Variants in ZNRF2 observed in about 807,000 individuals in gnomAD.
The protein encoded by ZNRF2 is E3 ubiquitin-protein ligase ZNRF2.
A neutral mutation model predicts 20.4 loss-of-function variants in ZNRF2; 16 were observed. The observed-to-expected ratio is 0.79, with a 90% CI of 0.53 to 1.19. The LOEUF (loss-of-function observed/expected upper bound fraction) is 1.19. Among genes scored for constraint, ZNRF2 ranks in the 50% most tolerant of loss-of-function variants. The probability of loss-of-function intolerance (pLI) is 0.00; values close to 1 mark genes in which losing one functional copy is unlikely to be tolerated. For missense variants in ZNRF2, 363 were observed against 332.4 expected, an observed-to-expected ratio of 1.09 and a Z score of -0.72; for synonymous variants, 178 against 144.9, an observed-to-expected ratio of 1.23 and a Z score of -1.64.
intron 2 of ZNRF2, among the ~76,000 whole-genome samples, chr7:30,324,694 A>G (rs1332755692): frequency 6.6e-6 from 1 of 152,242 alleles, no homozygotes; most frequent in African/African-American, 2.4e-5. Flanking sequence ...TTTGGACCAC[A>G]GTTTGAGAAC....
At chr7:30,302,541 G>GTTT (rs113688354) in intron 1 of ZNRF2, among the ~76,000 whole-genome samples, 1 of 140,508 alleles carries the variant, frequency 7.1e-6, no homozygotes, top group African/African-American at 2.7e-5. Flanking sequence ...AAAGTACTAT[G>GTTT]TTTTTTTTTT....
At chr7:30,365,883 A>AT (rs1389111969) in intron 4 of ZNRF2, among the ~76,000 whole-genome samples, 152 bp from the exon 5 acceptor site, 2 of 151,994 alleles carry the variant, frequency 1.3e-5, no homozygotes, top group Non-Finnish European at 2.9e-5. Context: ...TTTGTTATGT[A>AT]TTTTTTGTGA....
chr7:30,358,667 A>G (rs1246710408), intron 3 of ZNRF2, among the ~76,000 whole-genome samples: 3 of 152,212 alleles, frequency 2.0e-5, no homozygotes, highest in African/African-American at 7.2e-5. Context: ...TTATTATAAG[A>G]CCATATTAAT....
chr7:30,322,544 G>T (rs1562612521), intron 1 of ZNRF2, among the ~76,000 whole-genome samples: 1 of 151,964 alleles, frequency 6.6e-6, no homozygotes, highest in Non-Finnish European at 1.5e-5. Context: ...TCTCTCGTAA[G>T]TTCAGCTTAC....
chr7:30,292,742 C>A (rs1798933812), intron 1 of ZNRF2, among the ~76,000 whole-genome samples: 1 of 152,018 alleles, frequency 6.6e-6, no homozygotes, highest in Non-Finnish European at 1.5e-5. Context: ...ACTATAAAGG[C>A]CCTGAGGCAT....
chr7:30,354,060 T>A (rs893055617), intron 2 of ZNRF2, among the ~76,000 whole-genome samples: 2 of 151,760 alleles, frequency 1.3e-5, no homozygotes, highest in Non-Finnish European at 2.9e-5. Context: ...TATTGAAAGA[T>A]ACTAGAACAA....
chr7:30,348,954 A>G (rs983956102), intron 2 of ZNRF2, among the ~76,000 whole-genome samples: 5 of 151,028 alleles, frequency 3.3e-5, no homozygotes, highest in Non-Finnish European at 5.9e-5. Flanking sequence ...TTGTAATACT[A>G]CTCCTCAAAT....
At chr7:30,299,641 A>G (rs780032267) in intron 1 of ZNRF2, among the ~76,000 whole-genome samples, 3 of 152,134 alleles carry the variant, frequency 2.0e-5, no homozygotes, top group East Asian at 3.8e-4. Flanking sequence ...GTTATTTTTT[A>G]TACGTATACT....
At chr7:30,353,147 T>C (rs1799984295) in intron 2 of ZNRF2, among the ~76,000 whole-genome samples, 1 of 152,140 alleles carries the variant, frequency 6.6e-6, no homozygotes, top group Non-Finnish European at 1.5e-5. Flanking sequence ...GCATTTGCTA[T>C]GTGAAGCTGT....
intron 4 of ZNRF2, among the ~76,000 whole-genome samples, chr7:30,365,646 T>G (rs1358735594): frequency 6.6e-6 from 1 of 152,198 alleles, no homozygotes; most frequent in Non-Finnish European, 1.5e-5. Flanking sequence ...GTTAAAACAT[T>G]TTGTAAGGCA....
At chr7:30,317,982 T>C (rs1406774167) in intron 1 of ZNRF2, among the ~76,000 whole-genome samples, 2 of 152,188 alleles carry the variant, frequency 1.3e-5, no homozygotes, top group Non-Finnish European at 2.9e-5. Context: ...ATTCATTGCA[T>C]TTCTACGTAG....
chr7:30,357,220 A>G (rs1043634689), intron 3 of ZNRF2, among the ~76,000 whole-genome samples: 3 of 152,340 alleles, frequency 2.0e-5, no homozygotes, highest in South Asian at 2.1e-4. Context: ...ATATTTTTCA[A>G]CCACACATGA....
intron 2 of ZNRF2, among the ~76,000 whole-genome samples, chr7:30,331,819 C>T (rs1040282950): frequency 4.6e-5 from 7 of 151,998 alleles, no homozygotes; most frequent in Non-Finnish European, 7.4e-5. Flanking sequence ...AATATTTTAC[C>T]GTGTTCCATT....
chr7:30,293,868 G>A (rs1190953467), intron 1 of ZNRF2, among the ~76,000 whole-genome samples: 2 of 152,080 alleles, frequency 1.3e-5, no homozygotes, highest in East Asian at 3.8e-4. Flanking sequence ...CATAAGTTCC[G>A]ACCATGTGGA....
chr7:30,357,138 A>G (rs191615678), intron 3 of ZNRF2, among the ~76,000 whole-genome samples: 30 of 152,344 alleles, frequency 2.0e-4, no homozygotes, highest in African/African-American at 7.2e-4. Flanking sequence ...AAATAGAGCA[A>G]TGCAGTTAAG....
intron 1 of ZNRF2, 23 bp from the exon 2 acceptor site, chr7:30,323,619 C>G: frequency 1.4e-6 from 2 of 1,479,198 alleles, no homozygotes; most frequent in Non-Finnish European, 1.8e-6. Context: ...AGTTAAGTAA[C>G]TTGAGTTTCT....
intron 1 of ZNRF2, among the ~76,000 whole-genome samples, chr7:30,296,517 G>A (rs1799022805): frequency 6.6e-6 from 1 of 152,158 alleles, no homozygotes; most frequent in Admixed American, 6.5e-5. Context: ...GGATGACTTG[G>A]CATTTACTAA....
chr7:30,321,133 G>T (rs1799462977), intron 1 of ZNRF2, among the ~76,000 whole-genome samples: 1 of 151,792 alleles, frequency 6.6e-6, no homozygotes, highest in Non-Finnish European at 1.5e-5. Context: ...TGTTGTTGTT[G>T]TTTTCCCCAC....
chr7:30,357,286 A>G lies in ZNRF2; in HGVS notation c.671+1453A>G, dbSNP rs142275790. ...CATAAAGCAAATCGCAGCAAAGTAC[A>G]AAGAATTGGTACCATATAGGATGCT... On this transcript the variant is annotated intron_variant, in intron 3 of 4. Transcript: ENST00000323037. Among the ~76,000 whole-genome samples the G allele has an allele frequency of 4.5e-4, 68 of 152,340 alleles. No homozygotes were observed. In the Middle Eastern group the frequency reaches 0.01, roughly 23 times the overall value.
Sources: allele counts gnomAD v4.1 joint callset (sites outside exome capture counted in the v4.1 genomes callset), GRCh38; gene constraint gnomAD v4.1.1; transcripts MANE v1.5; gene names NCBI Gene and HGNC (gene_info 2026-07-23, HGNC 2026-07-21).